RSRC1: variants seen among roughly 807,000 people sequenced by gnomAD.
RSRC1 encodes serine/Arginine-related protein 53.
A neutral mutation model predicts 49.1 loss-of-function variants in RSRC1; 39 were observed. The ratio of observed to expected loss-of-function variants is 0.79; its 90% CI spans 0.61 to 1.04. RSRC1 has a LOEUF of 1.04. Among genes scored for constraint, RSRC1 ranks in the 50% least tolerant of loss-of-function variants. RSRC1 has a pLI of 0.00. For missense variants in RSRC1, 388 were observed against 402.4 expected (o/e 0.96, Z 0.31); for synonymous variants, 143 against 130.8 (o/e 1.09, Z -0.63).
At chr3:158,296,776 C>G (rs1310652348) in intron 4 of RSRC1, among the ~76,000 whole-genome samples, 1 of 151,884 alleles carries the variant, frequency 6.6e-6, no homozygotes, top group Non-Finnish European at 1.5e-5. Context: ...TATAGTTTTG[C>G]TAAGATTGCC....
intron 4 of RSRC1, among the ~76,000 whole-genome samples, chr3:158,259,952 T>G (rs2108032406): frequency 1.3e-5 from 2 of 152,062 alleles, no homozygotes; most frequent in Non-Finnish European, 2.9e-5. Context: ...TGTTGCCATG[T>G]CTGGGTGTCT....
intron 6 of RSRC1, among the ~76,000 whole-genome samples, chr3:158,426,483 T>C (rs555960837): frequency 4.0e-5 from 6 of 151,776 alleles, no homozygotes; most frequent in African/African-American, 1.4e-4. Flanking sequence ...ACCGCATGTA[T>C]TTTAAAAAGA....
intron 4 of RSRC1, among the ~76,000 whole-genome samples, chr3:158,212,370 T>TA (rs139196146): frequency 0.043 from 6,437 of 150,972 alleles, 443 homozygotes; most frequent in African/African-American, 0.15. Flanking sequence ...CAGACTGCAT[T>TA]AAAAAAAAAT....
intron 6 of RSRC1, among the ~76,000 whole-genome samples, chr3:158,453,228 C>G (rs1401992595): frequency 7.2e-5 from 11 of 151,846 alleles, no homozygotes; most frequent in African/African-American, 2.7e-4. Flanking sequence ...TTTTCAAACT[C>G]TTGTGCACAC....
chr3:158,347,403 T>C (rs574948412), intron 5 of RSRC1, among the ~76,000 whole-genome samples: 3 of 152,200 alleles, frequency 2.0e-5, no homozygotes, highest in Non-Finnish European at 2.9e-5. Flanking sequence ...CAACTATACA[T>C]TCTCTTCAAA....
intron 6 of RSRC1, among the ~76,000 whole-genome samples, chr3:158,454,906 G>A (rs920052804): frequency 1.3e-5 from 2 of 152,056 alleles, no homozygotes; most frequent in Non-Finnish European, 2.9e-5. Context: ...ATGACTTTTA[G>A]GGGTCAGTAA....
At chr3:158,188,030 G>A (rs1490660131) in intron 3 of RSRC1, among the ~76,000 whole-genome samples, 5 of 151,872 alleles carry the variant, frequency 3.3e-5, no homozygotes, top group Non-Finnish European at 5.9e-5. Flanking sequence ...ACCTCATCAC[G>A]TAGCTATACT....
chr3:158,425,968 A>G (rs879677632), intron 6 of RSRC1, among the ~76,000 whole-genome samples: 43 of 151,728 alleles, frequency 2.8e-4, no homozygotes, highest in Non-Finnish European at 5.6e-4. Context: ...ATAGGAAGCA[A>G]TAGAACATCC....
chr3:158,523,624 A>G (rs1711831201), intron 7 of RSRC1, among the ~76,000 whole-genome samples: 1 of 152,068 alleles, frequency 6.6e-6, no homozygotes, highest in Admixed American at 6.6e-5. Flanking sequence ...TCTTTTTTAC[A>G]TTATTAACTG....
chr3:158,220,447 T>C (rs1420872705), intron 4 of RSRC1, among the ~76,000 whole-genome samples: 1 of 151,564 alleles, frequency 6.6e-6, no homozygotes, highest in Non-Finnish European at 1.5e-5. Flanking sequence ...AAAGCCAACT[T>C]GAAAGCCTAA....
intron 7 of RSRC1, among the ~76,000 whole-genome samples, chr3:158,505,790 G>A (rs760338147): frequency 2.2e-5 from 3 of 136,398 alleles, no homozygotes; most frequent in Non-Finnish European, 4.9e-5. Flanking sequence ...AGAAAGGATA[G>A]GAATGTTCCA....
At chr3:158,427,197 A>G (rs537763653) in intron 6 of RSRC1, among the ~76,000 whole-genome samples, 2 of 151,930 alleles carry the variant, frequency 1.3e-5, no homozygotes, top group African/African-American at 4.8e-5. Context: ...CCAACCAAAA[A>G]AAAAGGAAAG....
chr3:158,184,009 TTTGTG>T lies in RSRC1; in HGVS notation c.321-19058_321-19054del, dbSNP rs1160290645. 3.3e-5 allele frequency among the ~76,000 whole-genome samples: 5 copies of T among 152,170 alleles called. No individual in the cohort carries two copies. In the East Asian group the frequency reaches 9.6e-4, roughly 29 times the overall value. On this transcript the variant is annotated intron_variant, in intron 3 of 9. Coordinates refer to ENST00000611884, the MANE Select transcript of RSRC1 (RefSeq NM_001271838.2). ...TTTCGCTTTTAAGTTTACTTTCTTC[TTTGTG>T]TTGTTTCCAATAGTATAAAATCAAT... is the stretch of plus-strand genomic sequence containing the variant.
chr3:158,513,982 T>A (rs933612318), intron 7 of RSRC1, among the ~76,000 whole-genome samples: 1 of 152,194 alleles, frequency 6.6e-6, no homozygotes, highest in African/African-American at 2.4e-5. Flanking sequence ...TATCATTTTT[T>A]ATTGCGTCTA....
chr3:158,261,442 T>G (rs1165552299), intron 4 of RSRC1, among the ~76,000 whole-genome samples: 1 of 152,166 alleles, frequency 6.6e-6, no homozygotes, highest in Non-Finnish European at 1.5e-5. Context: ...AATCTTTTGG[T>G]TGTTTTGTAT....
At chr3:158,414,498 CAT>C (rs1175293441) in intron 6 of RSRC1, among the ~76,000 whole-genome samples, 1 of 152,080 alleles carries the variant, frequency 6.6e-6, no homozygotes, top group Non-Finnish European at 1.5e-5. Flanking sequence ...CACTGTGGCA[CAT>C]GTTTACCTGT....
chr3:158,246,942 A>T (rs7650062), intron 4 of RSRC1, among the ~76,000 whole-genome samples: 20,917 of 151,826 alleles, frequency 0.14, 1,571 homozygotes, highest in Middle Eastern at 0.21. Flanking sequence ...TAGGTTGGGG[A>T]GTGTCTCCTG....
At chr3:158,114,513 GT>G (rs1007442180) in intron 1 of RSRC1, among the ~76,000 whole-genome samples, 4 of 151,350 alleles carry the variant, frequency 2.6e-5, no homozygotes, top group Non-Finnish European at 4.4e-5. Flanking sequence ...TTTTGAAATA[GT>G]TTTTTTTTCT....
At chr3:158,495,424 A>G (rs977839738) in intron 7 of RSRC1, among the ~76,000 whole-genome samples, 1 of 152,024 alleles carries the variant, frequency 6.6e-6, no homozygotes, top group Non-Finnish European at 1.5e-5. Flanking sequence ...AGCTAGGACT[A>G]CAGGCATGTG....
Sources: gnomAD v4.1 joint callset for allele counts (sites outside exome capture counted in the v4.1 genomes callset) on GRCh38, gnomAD v4.1.1 for gene constraint, MANE v1.5 for transcripts, NCBI Gene and HGNC (gene_info 2026-07-23, HGNC 2026-07-21) for gene names.